EMILIN1: variants seen among roughly 807,000 people sequenced by gnomAD.
EMILIN1 encodes the protein elastin microfibril interfacer 1.
A neutral mutation model predicts 82.4 loss-of-function variants in EMILIN1; 49 were observed. The observed-to-expected ratio is 0.59, with a 90% CI of 0.47 to 0.75. The LOEUF is 0.75. Ranked by LOEUF, EMILIN1 falls within the 30% of genes least tolerant of loss-of-function variation. EMILIN1 has a pLI of 0.00. For missense variants in EMILIN1, 1,313 were observed against 1,366.4 expected (o/e 0.96, Z 0.62); for synonymous variants, 604 against 602.2 (o/e 1.00, Z -0.04).
chr2:27,085,131 C>A (rs1286922010), intron 6 of EMILIN1, 29 bp from the exon 7 acceptor site: 2 of 1,613,952 alleles, frequency 1.2e-6, no homozygotes, highest in Admixed American at 1.7e-5. Context: ...CCCTGAGCAT[C>A]CCCTTTAACA....
At chr2:27,084,637 G>T in intron 5 of EMILIN1, 106 bp downstream of exon 5, 1 of 714,400 alleles carries the variant, frequency 1.4e-6, no homozygotes, top group South Asian at 1.6e-5. Flanking sequence ...AACTTGACAA[G>T]GGGAATTGGG....
At chr2:27,085,529 T>C in intron 7 of EMILIN1, 149 bp from the exon 8 acceptor site, 1 of 889,062 alleles carries the variant, frequency 1.1e-6, no homozygotes, top group Non-Finnish European at 1.7e-6. Flanking sequence ...TTTTAAGTGC[T>C]GGGAATGCAT....
Position 27,083,718 on chromosome 2 carries a change from A to G in EMILIN1, c.2147A>G (p.Gln716Arg). The G allele has an allele frequency of 6.2e-7, 1 of 1,613,848 alleles. No individual in the cohort carries two copies. The highest frequency in any genetic ancestry group is 1.3e-5 in the African/African-American group (1 of 75,066). Residue 716 changes from glutamine (Q) to arginine (R), a missense_variant, in exon 4 of 8, where the codon CAG becomes CGG. Coordinates refer to ENST00000380320, the MANE Select transcript of EMILIN1 (RefSeq NM_007046.4). ...RFRGLEEGQA[Q>R]AGQCPSLEGR... ...CGAGGCCTAGAGGAGGGACAAGCAC[A>G]GGCCGGCCAGTGCCCCAGCTTAGAG...
intron 4 of EMILIN1, 77 bp from the exon 5 acceptor site, chr2:27,084,338 T>C (rs2148320112): frequency 2.3e-6 from 2 of 871,038 alleles, no homozygotes; most frequent in African/African-American, 1.7e-5. Flanking sequence ...TCCCTGTTCA[T>C]GAAGCCACCA....
At chr2:27,085,533 A>G in intron 7 of EMILIN1, 145 bp from the exon 8 acceptor site, 1 of 893,480 alleles carries the variant, frequency 1.1e-6, no homozygotes, top group Non-Finnish European at 1.7e-6. Context: ...AAGTGCTGGG[A>G]ATGCATAGTG....
In EMILIN1 at chr2:27,082,899, G is replaced by A. The variant is rs766813380; in HGVS notation, c.1328G>A (p.Arg443Gln). The A allele has an allele frequency of 5.1e-5, 81 of 1,596,014 alleles. No homozygotes were observed. Among genetic ancestry groups the A allele is most frequent in the South Asian group, 1.1e-4 (10 of 90,254 alleles). Residue 443 changes from arginine (R) to glutamine (Q), a missense_variant, in exon 4 of 8, where the codon CGG (arginine) becomes CAG (glutamine). By Grantham distance (43) the Arg-to-Gln change is conservative (BLOSUM62 1). Coordinates refer to ENST00000380320, the MANE Select transcript of EMILIN1 (RefSeq NM_007046.4). ...GGLSHWLPAA[R>Q]GRLEQLGGLL... Reference sequence around the variant, plus strand: ...CTGAGCCACTGGCTGCCTGCTGCCCGGGGCCGACTAGAGCAGTTGGGGGGG... The same window carrying A: ...CTGAGCCACTGGCTGCCTGCTGCCCAGGGCCGACTAGAGCAGTTGGGGGGG...
rs762695284 is a variant in EMILIN1, at chr2:27,082,536, G to A, written c.965G>A (p.Arg322Gln). The change falls in exon 4 of 8, where the codon CGG becomes CAG. Residue 322 changes from arginine (R) to glutamine (Q), a missense_variant. By Grantham distance (43) the Arg-to-Gln change is conservative. Transcript: ENST00000380320. The stretch of plus-strand genomic sequence containing the variant: ...CGGCAGCAGCAGGAGGACAGGGAGC[G>A]GCTGCGAGCGATGGAGAAGCTGCTG... ...FRRQQQEDRE[R>Q]LRAMEKLLAS... is the part of the protein sequence containing the mutation. 2.4e-5 allele frequency: 37 copies of A among 1,543,292 alleles called. No homozygotes were observed. The highest frequency in any genetic ancestry group is 2.9e-5 in the Non-Finnish European group (33 of 1,144,418).
chr2:27,082,856 C>T lies in EMILIN1; in HGVS notation c.1285C>T (p.Pro429Ser). Reference protein sequence around the residue: ...GPSEEQEESWPGAPGGLSHWL... With the variant: ...GPSEEQEESWSGAPGGLSHWL... ...TTCGGAGGAGCAGGAGGAGAGCTGGCCTGGGGCTCCTGGGGGGCTGAGCCA... is the reference window on the plus strand; with the variant it reads ...TTCGGAGGAGCAGGAGGAGAGCTGGTCTGGGGCTCCTGGGGGGCTGAGCCA... The change falls in exon 4 of 8, where the codon CCT (proline) becomes TCT (serine). Residue 429 changes from proline to serine, a missense_variant. Transcript: ENST00000380320. 6.3e-7 allele frequency: 1 copy of T among 1,584,674 alleles called. No homozygotes were observed. Among genetic ancestry groups the T allele is most frequent in the Non-Finnish European group, 8.5e-7 (1 of 1,173,636 alleles).
In EMILIN1 at chr2:27,083,053, C is replaced by G; in HGVS notation, c.1482C>G (p.Ser494Arg). ...CTGGGGAGCAGGACTCTCAAGTCAG[C>G]GAGATCCTCAGTGCCTTGGAGCGCA... ...GAPGEQDSQV[S>R]EILSALERRV... Residue 494 changes from serine to arginine, a missense_variant, in exon 4 of 8, where the codon AGC becomes AGG. Coordinates refer to ENST00000380320, the MANE Select transcript of EMILIN1 (RefSeq NM_007046.4). The G allele has an allele frequency of 6.5e-7, 1 of 1,544,542 alleles. No homozygotes were observed. Among genetic ancestry groups the G allele is most frequent in the Non-Finnish European group, 8.7e-7 (1 of 1,145,170 alleles).
rs1669543641 is a variant in EMILIN1 at position 27,083,972 on chromosome 2, G to A, written c.2401G>A (p.Glu801Lys). 3 of 1,551,018 alleles carry A rather than the reference G, an allele frequency of 1.9e-6. No homozygotes were observed. In the African/African-American group the frequency reaches 4.1e-5, roughly 21 times the overall value. ...GALNSSLQLL[E>K]DRLHQLSLKD... The stretch of plus-strand genomic sequence containing the variant: ...CCTTAACAGCTCCCTGCAGCTCCTG[G>A]AGGACCGTCTGCACCAGCTCAGCCT... The change falls in exon 4 of 8, where the codon GAG becomes AAG. Residue 801 changes from glutamate to lysine, a missense_variant. By Grantham distance (56) the Glu-to-Lys change is moderately conservative (BLOSUM62 1). Coordinates refer to ENST00000380320, the MANE Select transcript of EMILIN1 (RefSeq NM_007046.4).
At position 27,078,704 on chromosome 2, in the gene EMILIN1, G is replaced by A. The variant is rs1319283274; in HGVS notation, c.-362G>A. The A allele has an allele frequency of 1.4e-5, 3 of 220,500 alleles. No individual in the cohort carries two copies. Among genetic ancestry groups the A allele is most frequent in the African/African-American group, 2.3e-5 (1 of 43,840 alleles). The allele number at this position is 220,500 out of a possible 1,614,324, so 13.7% of individuals were successfully genotyped here. ...GAAAGAGGACAGGGAGACCAGAAGAGGGCCAGCTGGGACGAGGGGGCGGAC... is the reference window on the plus strand; with the variant it reads ...GAAAGAGGACAGGGAGACCAGAAGAAGGCCAGCTGGGACGAGGGGGCGGAC... On this transcript the variant is annotated 5_prime_UTR_variant, in exon 1 of 8. Coordinates refer to ENST00000380320, the MANE Select transcript of EMILIN1 (RefSeq NM_007046.4).
rs150542277 is a variant in EMILIN1 at position 27,082,252 on chromosome 2, G to A, written c.681G>A (p.Ala227=). ...ACGGGAGGCAGCAGCCAGCTGACGC[G>A]GCTGCCCGCCCTGGGGTGCATGAAA... ...AFNGRQQPAD[A]AARPGVHETL... The change falls in exon 4 of 8, where the codon GCG becomes GCA. Residue 227 remains alanine (A), a synonymous_variant. Coordinates refer to ENST00000380320, the MANE Select transcript of EMILIN1 (RefSeq NM_007046.4). 2.2e-4 allele frequency: 361 copies of A among 1,613,134 alleles called. 2 individuals are homozygous for A. The highest frequency in any genetic ancestry group is 1.4e-4 in the Non-Finnish European group (171 of 1,179,926).
chr2:27,080,105 G>A lies in EMILIN1; in HGVS notation c.171-46G>A, dbSNP rs1448858506. The A allele has an allele frequency of 3.1e-6, 5 of 1,609,378 alleles. No homozygotes were observed. In the South Asian group the frequency reaches 5.5e-5, roughly 18 times the overall value. The stretch of plus-strand genomic sequence containing the variant: ...TGGTAGCCCCTGGGCCCTCCTCCAG[G>A]GCATGTATCTTTGGTCCTTGGACCC... On this transcript the variant is annotated intron_variant, in intron 1 of 7. Coordinates refer to ENST00000380320, the MANE Select transcript of EMILIN1 (RefSeq NM_007046.4).
At chr2:27,085,095 A>G in intron 6 of EMILIN1, 65 bp from the exon 7 acceptor site, 1 of 1,613,330 alleles carries the variant, frequency 6.2e-7, no homozygotes, top group South Asian at 1.1e-5. Flanking sequence ...CTGGGGATCC[A>G]GCAGGGGAAG....
Position 27,084,427 on chromosome 2 carries a change from A to T in EMILIN1, c.2453A>T (p.Glu818Val). 1 of 1,606,248 alleles carries T rather than the reference A, an allele frequency of 6.2e-7. No individual in the cohort carries two copies. The highest frequency in any genetic ancestry group is 2.2e-5 in the East Asian group (1 of 44,820). ...SLKDLTGPAGEAGPPGPPGLQ... is the reference protein window; with the variant it reads ...SLKDLTGPAGVAGPPGPPGLQ... ...TTTGTCACTGTAGGGCCTGCAGGAG[A>T]GGCTGGGCCCCCAGGGCCTCCTGGG... The change falls in exon 5 of 8, where the codon GAG (glutamate) becomes GTG (valine). Residue 818 changes from glutamate to valine, a missense_variant. Physicochemically the swap from Glu to Val is moderately radical, Grantham distance 121. Coordinates refer to ENST00000380320, the MANE Select transcript of EMILIN1 (RefSeq NM_007046.4).
In EMILIN1 at chr2:27,082,216, G is replaced by C; in HGVS notation, c.645G>C (p.Glu215Asp). 6.2e-7 allele frequency: 1 copy of C among 1,613,628 alleles called. No homozygotes were observed. The highest frequency in any genetic ancestry group is 1.7e-5 in the Admixed American group (1 of 60,036). ...RLAEDVQRAV[E>D]TAFNGRQQPA... is the part of the protein sequence containing the mutation. ...CAGAGGATGTGCAGAGGGCTGTGGA[G>C]ACGGCCTTCAACGGGAGGCAGCAGC... The change falls in exon 4 of 8, where the codon GAG (glutamate) becomes GAC (aspartate). Residue 215 changes from glutamate to aspartate, a missense_variant. By Grantham distance (45) the Glu-to-Asp change is conservative. Transcript: ENST00000380320.
Position 27,084,121 on chromosome 2 carries a change from G to A in EMILIN1, c.2440+110G>A, listed in dbSNP as rs575639536. On this transcript the variant is annotated intron_variant, in intron 4 of 7. Coordinates refer to ENST00000380320, the MANE Select transcript of EMILIN1 (RefSeq NM_007046.4). The stretch of plus-strand genomic sequence containing the variant: ...GCTTTCTCCTTGCTTTTCCCAACAT[G>A]AATTGCAGCCCCAGCCAGTATTCCA... 4.3e-5 allele frequency: 52 copies of A among 1,216,684 alleles called. No individual in the cohort carries two copies. The South Asian group carries it at 9.4e-4, about 22-fold the overall frequency. The allele number at this position is 1,216,684 out of a possible 1,614,324, so 75.4% of individuals were successfully genotyped here. A position where few individuals can be genotyped will look rare whatever the true frequency, so the allele number is the denominator to read the frequency against.
At position 27,082,415 on chromosome 2, in the gene EMILIN1, G is replaced by A; in HGVS notation, c.844G>A (p.Ala282Thr). ...GGSRAPAPASAPPGPSEELLR... is the reference protein window; with the variant it reads ...GGSRAPAPASTPPGPSEELLR... ...CAGCAGGGCCCCAGCCCCAGCCTCA[G>A]CCCCTCCGGGCCCCAGTGAGGAGCT... Residue 282 changes from alanine to threonine, a missense_variant, in exon 4 of 8, where the codon GCC (alanine) becomes ACC (threonine). Physicochemically the swap from Ala to Thr is moderately conservative, Grantham distance 58 (BLOSUM62 0). Coordinates refer to ENST00000380320, the MANE Select transcript of EMILIN1 (RefSeq NM_007046.4). The A allele has an allele frequency of 6.2e-7, 1 of 1,603,378 alleles. No homozygotes were observed.
At position 27,082,545 on chromosome 2, in the gene EMILIN1, C is replaced by A; in HGVS notation, c.974C>A (p.Ala325Glu). Residue 325 changes from alanine (A) to glutamate (E), a missense_variant, in exon 4 of 8, where the codon GCG (alanine) becomes GAG (glutamate). By Grantham distance (107) the Ala-to-Glu change is moderately radical. Coordinates refer to ENST00000380320, the MANE Select transcript of EMILIN1 (RefSeq NM_007046.4). The part of the protein sequence containing the change: ...QQQEDRERLR[A>E]MEKLLASVEE... ...CAGGAGGACAGGGAGCGGCTGCGAG[C>A]GATGGAGAAGCTGCTGGCCTCGGTG... The A allele has an allele frequency of 6.5e-7, 1 of 1,542,720 alleles. No homozygotes were observed. Among genetic ancestry groups the A allele is most frequent in the Middle Eastern group, 1.8e-4 (1 of 5,494 alleles).
Sources: allele counts gnomAD v4.1 joint callset, GRCh38; gene constraint gnomAD v4.1.1; transcripts MANE v1.5; gene names NCBI Gene and HGNC (gene_info 2026-07-23, HGNC 2026-07-21).